KDM1B: variants seen among roughly 807,000 people sequenced by gnomAD.
KDM1B encodes the protein lysine-specific histone demethylase 2.
KDM1B carries 63 observed loss-of-function variants against 107.4 expected under a neutral mutation model. That is an observed-to-expected ratio of 0.59 (90% confidence interval 0.48 to 0.72). The LOEUF (loss-of-function observed/expected upper bound fraction) is 0.72, where lower values mean the gene tolerates loss of function less well. KDM1B is among the 30% of genes least tolerant of loss of function. KDM1B has a pLI of 0.00. For synonymous variants in KDM1B, 363 were observed against 363.9 expected (o/e 1.00, Z 0.03); for missense variants, 749 against 1,020.8 (o/e 0.73, Z 3.63).
At position 18,197,596 on chromosome 6, in the gene KDM1B, A is replaced by G; in HGVS notation, c.1156A>G (p.Ile386Val). Residue 386 changes from isoleucine (I) to valine (V), a missense_variant, in exon 12 of 22, where the codon ATC (isoleucine) becomes GTC (valine). Coordinates refer to ENST00000650836, the MANE Select transcript of KDM1B (RefSeq NM_001364614.2). This position sits in a 1 kb window ranked among gnomAD's most constrained non-coding sequence, Gnocchi z 4.5. The stretch of plus-strand genomic sequence containing the variant: ...TTCTTTTCTTTTTAAGAAATCAGTC[A>G]TCATTATCGGGGCTGGTCCAGCAGG... The part of the protein sequence containing the change: ...LPKDYHNKSV[I>V]IIGAGPAGLA... The G allele has an allele frequency of 2.5e-6, 4 of 1,613,504 alleles. No homozygotes were observed. Among genetic ancestry groups the G allele is most frequent in the Non-Finnish European group, 2.5e-6 (3 of 1,179,448 alleles).
In KDM1B at chr6:18,214,883, C is replaced by G. The variant is rs1789101342; in HGVS notation, c.2110-124C>G. The G allele has an allele frequency of 3.2e-6, 3 of 937,354 alleles. No individual in the cohort carries two copies. The African/African-American group carries it at 5.1e-5, about 16-fold the overall frequency. The allele number at this position is 937,354 out of a possible 1,614,324, so 58.1% of individuals were successfully genotyped here. A position where few individuals can be genotyped will look rare whatever the true frequency, so the allele number is the denominator to read the frequency against. ...CAAGATTGCACCATTGCACTCCAGC[C>G]TGGGTGACAGAGCAAAACTCTGTCT... On this transcript the variant is annotated intron_variant, in intron 19 of 21. Coordinates refer to ENST00000650836, the MANE Select transcript of KDM1B (RefSeq NM_001364614.2). The surrounding 1 kb of genome is among the most constrained non-coding windows in gnomAD (Gnocchi z 4.4).
rs1270965488 is a variant in KDM1B at position 18,212,510 on chromosome 6, C to G, written c.1889C>G (p.Ala630Gly). ...CAGGTATTAGTCACTGTACCACTGG[C>G]TTTACTACAGAAAGGTGCCATTCAG... ...AQKVLVTVPLALLQKGAIQFN... is the reference protein window; with the variant it reads ...AQKVLVTVPLGLLQKGAIQFN... The change falls in exon 18 of 22, where the codon GCT becomes GGT. Residue 630 changes from alanine (A) to glycine (G), a missense_variant. By Grantham distance (60) the Ala-to-Gly change is moderately conservative. Transcript: ENST00000650836. The surrounding 1 kb of genome is among the most constrained non-coding windows in gnomAD (Gnocchi z 5.2). 6.2e-7 allele frequency: 1 copy of G among 1,613,198 alleles called. No individual in the cohort carries two copies. The highest frequency in any genetic ancestry group is 2.2e-5 in the East Asian group (1 of 44,894).
chr6:18,183,889 G>A (rs1786653832), intron 7 of KDM1B, among the ~76,000 whole-genome samples: 1 of 152,042 alleles, frequency 6.6e-6, no homozygotes, highest in African/African-American at 2.4e-5. Flanking sequence ...GCTACTGTGA[G>A]CATTCTTGCC....
chr6:18,174,245 T>G (rs1329552167), intron 7 of KDM1B, among the ~76,000 whole-genome samples: 1 of 152,110 alleles, frequency 6.6e-6, no homozygotes, highest in African/African-American at 2.4e-5. Flanking sequence ...CTTCTAACTT[T>G]TTTTTTGTTT....
In KDM1B at chr6:18,214,962, A is replaced by G. The variant is rs1789108447; in HGVS notation, c.2110-45A>G. On this transcript the variant is annotated intron_variant, in intron 19 of 21. Coordinates refer to ENST00000650836, the MANE Select transcript of KDM1B (RefSeq NM_001364614.2). This position sits in a 1 kb window ranked among gnomAD's most constrained non-coding sequence, Gnocchi z 4.4. ...AAAAAAAGAGGCCCTTATCTGTGGGAGCTGAGCACTCACAGACCTCCTGCT... is the reference window on the plus strand; with the variant it reads ...AAAAAAAGAGGCCCTTATCTGTGGGGGCTGAGCACTCACAGACCTCCTGCT... 8 of 1,593,354 alleles carry G rather than the reference A, an allele frequency of 5.0e-6. No individual in the cohort carries two copies. Among genetic ancestry groups the G allele is most frequent in the Admixed American group, 1.8e-5 (1 of 56,124 alleles).
At chr6:18,188,096 A>G in intron 9 of KDM1B, 94 bp downstream of exon 9, 1 of 1,164,306 alleles carries the variant, frequency 8.6e-7, no homozygotes, top group Non-Finnish European at 1.2e-6. Context: ...TTTTTTTTAA[A>G]TGTGCAGGCT....
At chr6:18,163,422 TTTTCGA>T (rs1238709320) in intron 5 of KDM1B, among the ~76,000 whole-genome samples, 1 of 152,170 alleles carries the variant, frequency 6.6e-6, no homozygotes, top group Non-Finnish European at 1.5e-5. Context: ...TATTTTATTG[TTTTCGA>T]TTTCATTTGT....
intron 9 of KDM1B, among the ~76,000 whole-genome samples, chr6:18,188,780 A>AT (rs55767862): frequency 0.33 from 45,964 of 139,284 alleles, 7,847 homozygotes; most frequent in Non-Finnish European, 0.38. Flanking sequence ...CAGCTGGTTA[A>AT]TTTTTTTTTT....
chr6:18,201,401 GAGC>G lies in KDM1B; in HGVS notation c.1360-84_1360-82del. ...AGATATGAGACCATTTTCTCCATGA[GAGC>G]TCTGTCTGATTTTCAGCTTAGAACC... On this transcript the variant is annotated intron_variant, in intron 13 of 21. Coordinates refer to ENST00000650836, the MANE Select transcript of KDM1B (RefSeq NM_001364614.2). This position sits in a 1 kb window ranked among gnomAD's most constrained non-coding sequence, Gnocchi z 4.3. 2.1e-6 allele frequency: 2 copies of G among 968,162 alleles called. No individual in the cohort carries two copies. Among genetic ancestry groups the G allele is most frequent in the Non-Finnish European group, 3.0e-6 (2 of 658,224 alleles). 60.0% of individuals were successfully genotyped at this position (968,162 alleles called of 1,614,324 possible). A position where few individuals can be genotyped will look rare whatever the true frequency, so the allele number is the denominator to read the frequency against.
chr6:18,156,577 A>C (rs200920156), intron 2 of KDM1B, among the ~76,000 whole-genome samples: 1 of 152,204 alleles, frequency 6.6e-6, no homozygotes, highest in East Asian at 1.9e-4. Context: ...TGCTGGGAGA[A>C]TCAACAAAAG....
intron 17 of KDM1B, among the ~76,000 whole-genome samples, chr6:18,210,426 T>C (rs544560862): frequency 6.8e-6 from 1 of 147,370 alleles, no homozygotes; most frequent in South Asian, 2.1e-4. Context: ...GTGCAGCTTG[T>C]AGCTCACAGC....
chr6:18,205,669 G>T lies in KDM1B; in HGVS notation c.1659+5G>T. ...TGTGGCAGCAACCTTCACCAGGTGC[G>T]CTTGGGTTTTGTGAAAGGTGTGCTT... On this transcript the variant is annotated splice_donor_5th_base_variant and intron_variant, in intron 15 of 21. Coordinates refer to ENST00000650836, the MANE Select transcript of KDM1B (RefSeq NM_001364614.2). This position sits in a 1 kb window ranked among gnomAD's most constrained non-coding sequence, Gnocchi z 5.7. The T allele has an allele frequency of 2.0e-6, 3 of 1,497,500 alleles. No individual in the cohort carries two copies. The highest frequency in any genetic ancestry group is 2.7e-6 in the Non-Finnish European group (3 of 1,124,950). The allele number at this position is 1,497,500 out of a possible 1,614,324, so 92.8% of individuals were successfully genotyped here.
intron 7 of KDM1B, among the ~76,000 whole-genome samples, chr6:18,183,707 C>G (rs551764516): frequency 2.2e-4 from 33 of 152,082 alleles, no homozygotes; most frequent in African/African-American, 7.5e-4. Flanking sequence ...TTGCTCTTTT[C>G]GCTCAACATT....
chr6:18,161,706 A>G (rs1313004756), intron 4 of KDM1B, among the ~76,000 whole-genome samples: 1 of 152,088 alleles, frequency 6.6e-6, no homozygotes, highest in East Asian at 1.9e-4. Flanking sequence ...AAATCCAGCC[A>G]ACCATATCTA....
chr6:18,160,810 T>G (rs1784920641), intron 3 of KDM1B, among the ~76,000 whole-genome samples: 1 of 149,266 alleles, frequency 6.7e-6, no homozygotes, highest in Non-Finnish European at 1.5e-5. Context: ...ATGACTTTTT[T>G]TTTTTTGACT....
At chr6:18,182,477 A>G (rs1582128861) in intron 7 of KDM1B, among the ~76,000 whole-genome samples, 1 of 152,268 alleles carries the variant, frequency 6.6e-6, no homozygotes, top group South Asian at 2.1e-4. Flanking sequence ...TTCTCATTTA[A>G]TATGTCTTAA....
chr6:18,159,865 C>T lies in KDM1B; in HGVS notation c.-13-18C>T. The T allele has an allele frequency of 1.5e-6, 2 of 1,319,510 alleles. No individual in the cohort carries two copies. Among genetic ancestry groups the T allele is most frequent in the Non-Finnish European group, 2.2e-6 (2 of 917,064 alleles). The allele number at this position is 1,319,510 out of a possible 1,614,324, so 81.7% of individuals were successfully genotyped here. A position where few individuals can be genotyped will look rare whatever the true frequency, so the allele number is the denominator to read the frequency against. Reference sequence around the variant, plus strand: ...TTTGCAGATGCTAATATTTAATGGTCTGATTTTTCTTTTGCAGATTATTTA... The same window carrying T: ...TTTGCAGATGCTAATATTTAATGGTTTGATTTTTCTTTTGCAGATTATTTA... On this transcript the variant is annotated intron_variant, in intron 2 of 21. Transcript: ENST00000650836. This position sits in a 1 kb window ranked among gnomAD's most constrained non-coding sequence, Gnocchi z 4.5.
At chr6:18,208,348 C>G (rs1323193537) in intron 17 of KDM1B, 142 bp downstream of exon 17, 1 of 613,738 alleles carries the variant, frequency 1.6e-6, no homozygotes, top group East Asian at 2.7e-5. Context: ...TTATGTATCT[C>G]TACTTAATTG....
At chr6:18,158,346 G>T (rs114811848) in intron 2 of KDM1B, among the ~76,000 whole-genome samples, 4,413 of 130,214 alleles carry the variant, frequency 0.034, 166 homozygotes, top group African/African-American at 0.1. Context: ...AAAAAAAAAA[G>T]TCAAAGGAAA....
Sources: gnomAD v4.1 joint callset for allele counts (sites outside exome capture counted in the v4.1 genomes callset) on GRCh38, gnomAD v4.1.1 for gene constraint, Gnocchi (gnomAD v3.1) non-coding constraint, MANE v1.5 for transcripts, NCBI Gene and HGNC (gene_info 2026-07-23, HGNC 2026-07-21) for gene names.